The following SCHIP1 variants were observed in gnomAD, a reference collection of about 807,000 sequenced individuals.
SCHIP1 encodes the protein schwannomin-interacting protein 1.
SCHIP1 carries 8 observed loss-of-function variants against 29.7 expected under a neutral mutation model. That is an observed-to-expected ratio of 0.27 (90% confidence interval 0.16 to 0.49). SCHIP1 has a LOEUF of 0.49. Among genes scored for constraint, SCHIP1 ranks in the 20% least tolerant of loss-of-function variants. The pLI, the probability that SCHIP1 is intolerant of heterozygous loss-of-function variation, is 0.99. For missense variants in SCHIP1, 193 were observed against 294.6 expected (o/e 0.66, Z 2.52); for synonymous variants, 76 against 94.9 (o/e 0.80, Z 1.16).
chr3:159,569,504 T>C, the SCHIP1 span, among the ~76,000 whole-genome samples: 5 of 152,180 alleles, frequency 3.3e-5, no homozygotes, highest in Non-Finnish European at 7.4e-5. Flanking sequence ...AACTCATCCT[T>C]TTTTATGGCT....
the SCHIP1 span, among the ~76,000 whole-genome samples, chr3:159,404,326 G>A: frequency 6.6e-6 from 1 of 152,134 alleles, no homozygotes; most frequent in South Asian, 2.1e-4. Flanking sequence ...GGACCAAGTG[G>A]ACTCTTGGGA....
chr3:159,693,861 A>G, the SCHIP1 span, among the ~76,000 whole-genome samples: 1 of 152,210 alleles, frequency 6.6e-6, no homozygotes, highest in Non-Finnish European at 1.5e-5. Flanking sequence ...TCAAAAAGTA[A>G]ATATCCATTA....
At chr3:159,295,321 C>T in the SCHIP1 span, among the ~76,000 whole-genome samples, 1 of 149,056 alleles carries the variant, frequency 6.7e-6, no homozygotes. Context: ...CCCAGCTACT[C>T]AGGAGGCTGA....
chr3:159,692,073 C>T, the SCHIP1 span, among the ~76,000 whole-genome samples: 1 of 140,266 alleles, frequency 7.1e-6, no homozygotes, highest in Admixed American at 7.5e-5. Flanking sequence ...CCAGGCCGGA[C>T]TGCGGACTGC....
At chr3:159,401,432 A>C in the SCHIP1 span, 1 of 879,944 alleles carries the variant, frequency 1.1e-6, no homozygotes, top group Non-Finnish European at 1.4e-6. Flanking sequence ...AATAGCTACC[A>C]GTTTTTTACC....
At chr3:159,539,896 TCCTC>T in the SCHIP1 span, among the ~76,000 whole-genome samples, 4 of 83,436 alleles carry the variant, frequency 4.8e-5, 1 homozygote, top group Admixed American at 1.2e-4. Flanking sequence ...AAGAGATGAT[TCCTC>T]TTTAGGAAAT....
the SCHIP1 span, among the ~76,000 whole-genome samples, chr3:159,562,960 A>G: frequency 6.6e-6 from 1 of 152,242 alleles, no homozygotes; most frequent in East Asian, 1.9e-4. Context: ...TTGACAAAAC[A>G]TATAGGAAAG....
At chr3:159,578,380 G>A in the SCHIP1 span, among the ~76,000 whole-genome samples, 2 of 151,984 alleles carry the variant, frequency 1.3e-5, no homozygotes, top group East Asian at 3.9e-4. Flanking sequence ...AAATATTATG[G>A]GCATATTGGG....
the SCHIP1 span, among the ~76,000 whole-genome samples, chr3:159,312,405 ACAGT>A: frequency 6.6e-6 from 1 of 152,176 alleles, no homozygotes; most frequent in Non-Finnish European, 1.5e-5. Flanking sequence ...TAGGTTAAAA[ACAGT>A]CAGCCAAAAA....
the SCHIP1 span, among the ~76,000 whole-genome samples, chr3:159,294,208 G>A: frequency 6.6e-6 from 1 of 152,154 alleles, no homozygotes; most frequent in Non-Finnish European, 1.5e-5. Context: ...CAAGTGGCCT[G>A]CTTCTGAAAC....
At chr3:159,725,485 G>A in the SCHIP1 span, among the ~76,000 whole-genome samples, 1 of 151,860 alleles carries the variant, frequency 6.6e-6, no homozygotes, top group Non-Finnish European at 1.5e-5. Flanking sequence ...GTCAGGTCTC[G>A]AACTCCTGGC....
the SCHIP1 span, among the ~76,000 whole-genome samples, chr3:159,347,621 A>G: frequency 6.6e-6 from 1 of 152,322 alleles, no homozygotes; most frequent in East Asian, 1.9e-4. Context: ...AGTGGCATTG[A>G]TGTCTTAAAA....
the SCHIP1 span, among the ~76,000 whole-genome samples, chr3:159,807,470 T>G: frequency 6.6e-6 from 1 of 152,158 alleles, no homozygotes; most frequent in Non-Finnish European, 1.5e-5. Flanking sequence ...GTAAAAAGAT[T>G]AGCTGTTAGG....
chr3:159,719,198 C>G, the SCHIP1 span, among the ~76,000 whole-genome samples: 3 of 152,148 alleles, frequency 2.0e-5, no homozygotes, highest in African/African-American at 7.2e-5. Context: ...AGCTGAAACC[C>G]GATCCCTTCC....
chr3:159,274,191 T>C, the SCHIP1 span: 1 of 984,870 alleles, frequency 1.0e-6, no homozygotes, highest in Non-Finnish European at 1.2e-6. Context: ...CATTTTAATA[T>C]ACACATGTAA....
chr3:159,823,006 C>T, the SCHIP1 span, among the ~76,000 whole-genome samples: 16 of 151,660 alleles, frequency 1.1e-4, 2 homozygotes, highest in African/African-American at 1.9e-4. Context: ...GTGAAAGGAA[C>T]GCTTATGAGA....
the SCHIP1 span, among the ~76,000 whole-genome samples, chr3:159,623,417 G>A: frequency 6.6e-6 from 1 of 152,138 alleles, no homozygotes; most frequent in Non-Finnish European, 1.5e-5. Context: ...CCTGAGGTTA[G>A]GAGTTCGAGA....
the SCHIP1 span, among the ~76,000 whole-genome samples, chr3:159,406,250 C>T: frequency 5.9e-5 from 9 of 152,116 alleles, no homozygotes; most frequent in Admixed American, 1.3e-4. Context: ...TAACATACAA[C>T]GAGCTCCAAT....
the SCHIP1 span, among the ~76,000 whole-genome samples, chr3:159,322,938 G>A: frequency 1.3e-5 from 2 of 152,206 alleles, no homozygotes. Context: ...TTCTGTCCGT[G>A]ACTCCTCAGT....
Sources: gnomAD v4.1 joint callset for allele counts (sites outside exome capture counted in the v4.1 genomes callset) on GRCh38, gnomAD v4.1.1 for gene constraint, MANE v1.5 for transcripts, NCBI Gene and HGNC (gene_info 2026-07-23, HGNC 2026-07-21) for gene names.